APC: variants seen among roughly 807,000 people sequenced by gnomAD.
APC encodes APC regulator of Wnt signaling pathway, also known as adenomatous polyposis coli protein.
A neutral mutation model predicts 247.0 loss-of-function variants in APC; 72 were observed. The observed-to-expected ratio is 0.29, with a 90% CI of 0.24 to 0.35. The LOEUF is 0.35. APC is among the 10% of genes least tolerant of loss of function. APC has a pLI of 1.00. For synonymous variants in APC, 1,254 were observed against 1,162.5 expected (o/e 1.08, Z -1.60); for missense variants, 3,400 against 3,360.7 (o/e 1.01, Z -0.29).
At chr5:112,745,344 A>T (rs768259942) in intron 1 of APC, among the ~76,000 whole-genome samples, 2 of 152,074 alleles carry the variant, frequency 1.3e-5, no homozygotes, top group African/African-American at 2.4e-5. Flanking sequence ...TCTTTGAAGT[A>T]TCCCCTAGAT....
In APC at chr5:112,841,382, C is replaced by G. The variant is rs1554086988; in HGVS notation, c.5788C>G (p.Gln1930Glu). Residue 1930 changes from glutamine to glutamate, a missense_variant, in exon 16 of 16, where the codon CAA becomes GAA. Transcript: ENST00000257430. The surrounding 1 kb of genome is among the most constrained non-coding windows in gnomAD (Gnocchi z 4.6). Reference sequence around the variant, plus strand: ...TCAGCCTAAACCCATACTTCAGAAACAATCCACTTTTCCCCAGTCATCCAA... The same window carrying G: ...TCAGCCTAAACCCATACTTCAGAAAGAATCCACTTTTCCCCAGTCATCCAA... ...RGQPKPILQKQSTFPQSSKDI... is the reference protein window; with the variant it reads ...RGQPKPILQKESTFPQSSKDI... 5 of 1,613,612 alleles carry G rather than the reference C, an allele frequency of 3.1e-6. No homozygotes were observed. The highest frequency in any genetic ancestry group is 4.2e-6 in the Non-Finnish European group (5 of 1,179,598).
chr5:112,755,233 A>G (rs1754834864), intron 2 of APC: 1 of 328,328 alleles, frequency 3.0e-6, no homozygotes, highest in African/African-American at 2.2e-5. Flanking sequence ...TAAGTGTAAA[A>G]CTCCAATGGC....
chr5:112,733,168 GT>G (rs1176592068), upstream of APC, among the ~76,000 whole-genome samples: 2 of 152,336 alleles, frequency 1.3e-5, no homozygotes, highest in African/African-American at 4.8e-5. Context: ...AGGGCTGATA[GT>G]TAATTTTATT....
intron 1 of APC, among the ~76,000 whole-genome samples, chr5:112,716,927 A>G (rs1488032685): frequency 6.6e-6 from 1 of 152,242 alleles, no homozygotes; most frequent in Non-Finnish European, 1.5e-5. Context: ...ATGTTAATCA[A>G]TACCTTTATC....
At chr5:112,818,836 T>TA (rs1196952618) in intron 9 of APC, 130 bp from the exon 10 acceptor site, 1 of 849,420 alleles carries the variant, frequency 1.2e-6, no homozygotes, top group African/African-American at 1.7e-5. Flanking sequence ...GGTTTTTTGT[T>TA]TTTTTTTTGG....
chr5:112,809,575 A>G (rs1401964849), intron 8 of APC, among the ~76,000 whole-genome samples: 2 of 152,004 alleles, frequency 1.3e-5, no homozygotes, highest in South Asian at 2.1e-4. Context: ...CATGAGGACT[A>G]AAAAATCACC....
chr5:112,842,394 C>G lies in APC; in HGVS notation c.6800C>G (p.Ala2267Gly), dbSNP rs2149973512. 6.2e-7 allele frequency: 1 copy of G among 1,614,070 alleles called. No homozygotes were observed. Residue 2267 changes from alanine to glycine, a missense_variant, in exon 16 of 16, where the codon GCC becomes GGC. This residue lies in a region of APC where 1,788 missense variants were observed against 1,649.5 expected (regional missense o/e 1.08). Transcript: ENST00000257430. ...AAAAGCCCTAGTGAAGGTCAAACAG[C>G]CACCACTTCTCCTAGAGGAGCCAAG... ...ASKSPSEGQT[A>G]TTSPRGAKPS...
At chr5:112,805,201 C>G (rs1007140981) in intron 8 of APC, among the ~76,000 whole-genome samples, 7 of 151,776 alleles carry the variant, frequency 4.6e-5, no homozygotes, top group African/African-American at 1.2e-4. Context: ...ACATGTATTA[C>G]TATAATTTAT....
intron 5 of APC, among the ~76,000 whole-genome samples, chr5:112,779,905 A>G (rs1180849961): frequency 6.6e-6 from 1 of 152,234 alleles, no homozygotes; most frequent in Non-Finnish European, 1.5e-5. Flanking sequence ...TTGGACCAGA[A>G]TGCCATTCTG....
chr5:112,737,096 A>C (rs2464810), upstream of APC, among the ~76,000 whole-genome samples: 5 of 152,192 alleles, frequency 3.3e-5, no homozygotes, highest in Non-Finnish European at 7.3e-5. Context: ...ATTTAAATGC[A>C]ATGTAGAATT....
At position 112,840,514 on chromosome 5, in the gene APC, G is replaced by C. The variant is rs1580654177; in HGVS notation, c.4920G>C (p.Arg1640=). 6.2e-7 allele frequency: 1 copy of C among 1,614,106 alleles called. No homozygotes were observed. The highest frequency in any genetic ancestry group is 2.2e-5 in the East Asian group (1 of 44,876). ...TTACACCGGGGGATGATATGCCACG[G>C]GTGTATTGTGTTGAAGGGACACCTA... ...VSFTPGDDMP[R]VYCVEGTPIN... The change falls in exon 16 of 16, where the codon CGG becomes CGC. Residue 1640 remains arginine, a synonymous_variant. Transcript: ENST00000257430. The surrounding 1 kb of genome is among the most constrained non-coding windows in gnomAD (Gnocchi z 4.1).
At position 112,840,858 on chromosome 5, in the gene APC, C is replaced by T. The variant is rs771967537; in HGVS notation, c.5264C>T (p.Ala1755Val). The part of the protein sequence containing the change: ...KIMDQVQQAS[A>V]SSSAPNKNQL... The stretch of plus-strand genomic sequence containing the variant: ...ATGGACCAGGTCCAGCAAGCATCTG[C>T]GTCTTCTTCTGCACCCAACAAAAAT... Residue 1755 changes from alanine (A) to valine (V), a missense_variant, in exon 16 of 16, where the codon GCG becomes GTG. Ala to Val is a moderately conservative substitution (Grantham distance 64). Around this residue, in one of 9 missense-constraint regions of APC, gnomAD observed 1,788 missense variants for 1,649.5 expected, o/e 1.08. Coordinates refer to ENST00000257430, the MANE Select transcript of APC (RefSeq NM_000038.6). The surrounding 1 kb of genome is among the most constrained non-coding windows in gnomAD (Gnocchi z 4.1). The T allele has an allele frequency of 2.0e-5, 32 of 1,613,936 alleles. No individual in the cohort carries two copies. Among genetic ancestry groups the T allele is most frequent in the African/African-American group, 4.0e-5 (3 of 74,904 alleles).
At chr5:112,775,528 T>C (rs1017552588) in intron 4 of APC, 101 bp from the exon 5 acceptor site, 4 of 682,684 alleles carry the variant, frequency 5.9e-6, no homozygotes, top group East Asian at 2.6e-5. Flanking sequence ...ATTAGCACTT[T>C]AGGTAGAGAA....
intron 6 of APC, among the ~76,000 whole-genome samples, chr5:112,788,025 A>G (rs1316912740): frequency 6.6e-6 from 1 of 152,092 alleles, no homozygotes; most frequent in African/African-American, 2.4e-5. Flanking sequence ...TTGTTAACTG[A>G]ATTTCTCATT....
chr5:112,793,207 G>C (rs1317798935), intron 7 of APC, among the ~76,000 whole-genome samples: 1 of 152,172 alleles, frequency 6.6e-6, no homozygotes, highest in Non-Finnish European at 1.5e-5. Context: ...AAAGATGAGA[G>C]CTTTCTCCTC....
At chr5:112,771,018 A>G (rs955775460) in intron 4 of APC, among the ~76,000 whole-genome samples, 3 of 152,038 alleles carry the variant, frequency 2.0e-5, no homozygotes, top group Non-Finnish European at 4.4e-5. Flanking sequence ...TTAAGTCTTC[A>G]TGTTTTTTTA....
chr5:112,711,712 C>A (rs1402553757), intron 1 of APC, among the ~76,000 whole-genome samples: 2 of 152,068 alleles, frequency 1.3e-5, no homozygotes, highest in African/African-American at 4.8e-5. Context: ...CAGAACGAGA[C>A]CCCATCTCAA....
rs2149992167 is a variant in APC at position 112,843,294 on chromosome 5, C to T, written c.7700C>T (p.Thr2567Ile). ...CCTCGAGTAAGCACTTGGAGAAGAA[C>T]TGGAAGTTCATCTTCAATTCTTTCT... ...SLPRVSTWRR[T>I]GSSSSILSAS... The change falls in exon 16 of 16, where the codon ACT becomes ATT. Residue 2567 changes from threonine (T) to isoleucine (I), a missense_variant. Thr to Ile is a moderately conservative substitution (Grantham distance 89). Around this residue, in one of 9 missense-constraint regions of APC, gnomAD observed 1,788 missense variants for 1,649.5 expected, o/e 1.08. Transcript: ENST00000257430. This position sits in a 1 kb window ranked among gnomAD's most constrained non-coding sequence, Gnocchi z 4.8. 6.2e-7 allele frequency: 1 copy of T among 1,613,366 alleles called. No homozygotes were observed. Among genetic ancestry groups the T allele is most frequent in the Non-Finnish European group, 8.5e-7 (1 of 1,179,368 alleles).
intron 2 of APC, among the ~76,000 whole-genome samples, chr5:112,765,713 A>G (rs1269816772): frequency 6.6e-6 from 1 of 152,240 alleles, no homozygotes; most frequent in Admixed American, 6.5e-5. Context: ...AAACTGGTAG[A>G]AAATGAAAAT....
Sources: allele counts gnomAD v4.1 joint callset (sites outside exome capture counted in the v4.1 genomes callset), GRCh38; gene constraint gnomAD v4.1.1; regional missense constraint gnomAD v4.1.1; non-coding constraint Gnocchi (gnomAD v3.1); transcripts MANE v1.5; gene names NCBI Gene and HGNC (gene_info 2026-07-23, HGNC 2026-07-21).